Variants in NR2C1 observed in about 807,000 individuals in gnomAD.
NR2C1 encodes nuclear receptor subfamily 2 group C member 1.
NR2C1 carries 33 observed loss-of-function variants against 74.8 expected under a neutral mutation model. The observed-to-expected ratio is 0.44, with a 90% confidence interval of 0.33 to 0.59. The LOEUF (loss-of-function observed/expected upper bound fraction) is 0.59, where lower values mean the gene tolerates loss of function less well. Ranked by LOEUF, NR2C1 falls within the 20% of genes least tolerant of loss-of-function variation. NR2C1 has a pLI of 0.02. For synonymous variants in NR2C1, 225 were observed against 240.6 expected (o/e 0.94, Z 0.60); for missense variants, 568 against 715.6 (o/e 0.79, Z 2.35).
At chr12:95,043,111 A>AT (rs1248439773) in intron 9 of NR2C1, among the ~76,000 whole-genome samples, 1 of 152,102 alleles carries the variant, frequency 6.6e-6, no homozygotes, top group Non-Finnish European at 1.5e-5. Flanking sequence ...AAATAAAAAA[A>AT]TTAGCTGGAC....
At chr12:95,066,437 C>G in intron 2 of NR2C1, among the ~76,000 whole-genome samples, 1 of 152,270 alleles carries the variant, frequency 6.6e-6, no homozygotes, top group South Asian at 2.1e-4. Flanking sequence ...CATATACATA[C>G]ATACATATAT....
chr12:95,048,254 C>T (rs1040333635), intron 9 of NR2C1, among the ~76,000 whole-genome samples: 2 of 152,014 alleles, frequency 1.3e-5, no homozygotes, highest in Non-Finnish European at 2.9e-5. Context: ...ATGCTGGAAG[C>T]CAGCTAATTA....
At chr12:95,068,231 T>C (rs1382912064) in intron 1 of NR2C1, among the ~76,000 whole-genome samples, 3 of 152,236 alleles carry the variant, frequency 2.0e-5, no homozygotes, top group African/African-American at 7.2e-5. Flanking sequence ...TGAGTGTCTG[T>C]GTCCTCTTCA....
chr12:95,070,603 G>C (rs868856453), intron 1 of NR2C1, among the ~76,000 whole-genome samples: 50 of 152,086 alleles, frequency 3.3e-4, no homozygotes, highest in African/African-American at 9.4e-4. Context: ...GCTTACTAGG[G>C]GCCAGGCATT....
At chr12:95,072,481 A>G (rs1433600395) in intron 1 of NR2C1, among the ~76,000 whole-genome samples, 3 of 151,718 alleles carry the variant, frequency 2.0e-5, no homozygotes, top group Non-Finnish European at 2.9e-5. Context: ...AAAAGAAAAA[A>G]AAATCGAGTA....
At chr12:95,040,661 T>C in intron 9 of NR2C1, 64 bp from the exon 10 acceptor site, 1 of 1,482,058 alleles carries the variant, frequency 6.7e-7, no homozygotes, top group Non-Finnish European at 9.1e-7. Context: ...TATCATTTCT[T>C]TGAAAAAGTT....
rs189003984 is a variant in NR2C1, at chr12:95,061,102, A to G, written c.286-1118T>C. On this transcript the variant is annotated intron_variant, in intron 3 of 13. Coordinates refer to ENST00000333003, the MANE Select transcript of NR2C1 (RefSeq NM_003297.4). ...ACATCAGACCAAGTCCAATAGTGGCACATCCTACAATATACCTGGCCAGTA... is the reference window on the plus strand; with the variant it reads ...ACATCAGACCAAGTCCAATAGTGGCGCATCCTACAATATACCTGGCCAGTA... Among the ~76,000 whole-genome samples, 402 of 152,348 alleles carry G rather than the reference A, an allele frequency of 2.6e-3. 3 individuals are homozygous for G. The highest frequency in any genetic ancestry group is 3.9e-3 in the Non-Finnish European group (266 of 68,032).
intron 9 of NR2C1, among the ~76,000 whole-genome samples, chr12:95,041,005 C>T (rs187193091): frequency 6.6e-6 from 1 of 152,250 alleles, no homozygotes; most frequent in East Asian, 1.9e-4. Context: ...CAAATGCTTA[C>T]AAAGCCAGGA....
At chr12:95,039,602 C>T (rs535410542) in intron 10 of NR2C1, among the ~76,000 whole-genome samples, 1 of 152,290 alleles carries the variant, frequency 6.6e-6, no homozygotes, top group South Asian at 2.1e-4. Context: ...CATTTTCTAT[C>T]TCATCTGATT....
intron 13 of NR2C1, among the ~76,000 whole-genome samples, chr12:95,022,638 T>G (rs1354494284): frequency 6.6e-6 from 1 of 152,102 alleles, no homozygotes; most frequent in Non-Finnish European, 1.5e-5. Flanking sequence ...TACACTGTAC[T>G]GCCTCCACTT....
chr12:95,036,494 C>A (rs375166714), intron 10 of NR2C1, among the ~76,000 whole-genome samples: 1 of 151,500 alleles, frequency 6.6e-6, no homozygotes, highest in African/African-American at 2.4e-5. Flanking sequence ...CTAACTACTA[C>A]ACTATATTGT....
Position 95,031,352 on chromosome 12 carries a change from G to T in NR2C1, c.1390C>A (p.Gln464Lys). ...AGGTAAGGAAGGTGCTTTTTACCTTGTTGAAGACTATTGTGAAGACAATTG... is the reference window on the plus strand; with the variant it reads ...AGGTAAGGAAGGTGCTTTTTACCTTTTTGAAGACTATTGTGAAGACAATTG... ...FVNCLHNSLQ[Q>K]DKMSTERRKL... Residue 464 changes from glutamine (Q) to lysine (K), a missense_variant, in exon 11 of 14, where the codon CAA (glutamine) becomes AAA (lysine). This residue lies in a region of NR2C1 where 117 missense variants were observed against 186.7 expected (regional missense o/e 0.63). Transcript: ENST00000333003. The T allele has an allele frequency of 6.3e-7, 1 of 1,586,732 alleles. No individual in the cohort carries two copies. The highest frequency in any genetic ancestry group is 8.6e-7 in the Non-Finnish European group (1 of 1,169,568).
intron 1 of NR2C1, among the ~76,000 whole-genome samples, chr12:95,069,888 C>T (rs1565881010): frequency 6.6e-6 from 1 of 152,126 alleles, no homozygotes; most frequent in Non-Finnish European, 1.5e-5. Context: ...CTAACTACAC[C>T]TTTCAGTTGA....
chr12:95,030,344 GACT>G (rs1869918773), intron 11 of NR2C1: 4 of 731,746 alleles, frequency 5.5e-6, no homozygotes, highest in South Asian at 4.5e-5. Flanking sequence ...TCACTACCAA[GACT>G]ACTATAATAA....
At chr12:95,025,552 GGAGACT>G (rs1869253217) in intron 12 of NR2C1, among the ~76,000 whole-genome samples, 1 of 151,004 alleles carries the variant, frequency 6.6e-6, no homozygotes, top group Non-Finnish European at 1.5e-5. Context: ...AAGCTACTCA[GGAGACT>G]GAGGCAGGAG....
chr12:95,039,617 C>T (rs17023587), intron 10 of NR2C1, among the ~76,000 whole-genome samples: 3,003 of 152,236 alleles, frequency 0.02, 87 homozygotes, highest in African/African-American at 0.068. Context: ...CTGATTTCTT[C>T]AGAACAGAAT....
intron 10 of NR2C1, 132 bp from the exon 11 acceptor site, chr12:95,031,620 C>A (rs1395870823): frequency 7.9e-6 from 5 of 630,362 alleles, no homozygotes; most frequent in Non-Finnish European, 2.4e-6. Context: ...TTGAGCAAGT[C>A]TGTGTTTTGT....
At chr12:95,063,437 A>T (rs1875100940) in intron 2 of NR2C1, among the ~76,000 whole-genome samples, 1 of 152,226 alleles carries the variant, frequency 6.6e-6, no homozygotes, top group African/African-American at 2.4e-5. Context: ...TCTGAGTGAC[A>T]GCTGGGACTC....
At chr12:95,030,419 C>T in intron 11 of NR2C1, 3 of 1,305,978 alleles carry the variant, frequency 2.3e-6, no homozygotes, top group South Asian at 2.5e-5. Flanking sequence ...TAAAGTTTTA[C>T]AATAAAGATT....
Sources: gnomAD v4.1 joint callset for allele counts (sites outside exome capture counted in the v4.1 genomes callset) on GRCh38, gnomAD v4.1.1 for gene constraint, gnomAD v4.1.1 regional missense constraint, MANE v1.5 for transcripts, NCBI Gene and HGNC (gene_info 2026-07-23, HGNC 2026-07-21) for gene names.